TNRC6B: variants seen among roughly 807,000 people sequenced by gnomAD.
TNRC6B encodes the protein trinucleotide repeat containing adaptor 6B.
In TNRC6B, 52 loss-of-function variants were observed where a neutral mutation model predicts 203.6. That is an observed-to-expected ratio of 0.26 (90% CI 0.20 to 0.32). The LOEUF (loss-of-function observed/expected upper bound fraction) is 0.32, where lower values mean the gene tolerates loss of function less well. Among genes scored for constraint, TNRC6B ranks in the 10% least tolerant of loss-of-function variants. The pLI is 1.00. For synonymous variants in TNRC6B, 838 were observed against 845.7 expected (o/e 0.99, Z 0.16); for missense variants, 1,923 against 2,286.2 (o/e 0.84, Z 3.24).
chr22:40,091,593 T>C (rs755851828), intron 1 of TNRC6B, among the ~76,000 whole-genome samples: 19 of 152,206 alleles, frequency 1.2e-4, no homozygotes, highest in Non-Finnish European at 2.5e-4. Context: ...GTAATGATGG[T>C]ATTATAAATT....
At chr22:40,126,394 C>G (rs1038642897) in intron 3 of TNRC6B, among the ~76,000 whole-genome samples, 1 of 151,760 alleles carries the variant, frequency 6.6e-6, no homozygotes, top group South Asian at 2.1e-4. Flanking sequence ...CCCTTGTTCC[C>G]TTCCCTCCCT....
At chr22:40,169,786 G>T (rs1231668899) in intron 4 of TNRC6B, among the ~76,000 whole-genome samples, 2 of 152,068 alleles carry the variant, frequency 1.3e-5, no homozygotes, top group African/African-American at 4.8e-5. Context: ...AGGTTTTGAA[G>T]GCTTCATCCC....
chr22:40,075,462 T>C (rs73422367), intron 1 of TNRC6B, among the ~76,000 whole-genome samples: 6,685 of 152,050 alleles, frequency 0.044, 442 homozygotes, highest in African/African-American at 0.14. Context: ...AGCTTATTTA[T>C]GTATTTGTAT....
At chr22:40,130,674 G>A (rs540309428) in intron 3 of TNRC6B, among the ~76,000 whole-genome samples, 2 of 146,246 alleles carry the variant, frequency 1.4e-5, no homozygotes, top group South Asian at 2.1e-4. Flanking sequence ...GTAGTCCCCC[G>A]CGGGAGGCTG....
chr22:40,312,792 A>G (rs2071203572), intron 18 of TNRC6B, 110 bp from the exon 19 acceptor site: 1 of 1,471,466 alleles, frequency 6.8e-7, no homozygotes, highest in Non-Finnish European at 9.4e-7. Flanking sequence ...TATTTGTTAG[A>G]CATATTTTGT....
chr22:40,155,997 TGTTC>T, intron 3 of TNRC6B: 1 of 801,970 alleles, frequency 1.2e-6, no homozygotes, highest in Non-Finnish European at 2.0e-6. Flanking sequence ...CCCAGGCTTC[TGTTC>T]TGTGCACCAC....
chr22:40,191,811 C>T (rs2069277395), intron 1 of TNRC6B, among the ~76,000 whole-genome samples: 1 of 152,184 alleles, frequency 6.6e-6, no homozygotes, highest in Non-Finnish European at 1.5e-5. Flanking sequence ...AGTGCAGTGG[C>T]ACGATCTCAG....
intron 7 of TNRC6B, among the ~76,000 whole-genome samples, chr22:40,274,979 C>T (rs1446521383): frequency 1.3e-5 from 2 of 152,162 alleles, no homozygotes; most frequent in Non-Finnish European, 2.9e-5. Flanking sequence ...CCCTATGAAA[C>T]GGTTCACAGC....
At chr22:40,209,948 G>C (rs574967962) in intron 1 of TNRC6B, among the ~76,000 whole-genome samples, 6 of 151,962 alleles carry the variant, frequency 3.9e-5, no homozygotes, top group African/African-American at 1.4e-4. Flanking sequence ...AACCCAGGAA[G>C]CGGAGGTTGC....
At chr22:40,141,838 G>T (rs189800152) in intron 3 of TNRC6B, among the ~76,000 whole-genome samples, 1 of 151,814 alleles carries the variant, frequency 6.6e-6, no homozygotes, top group African/African-American at 2.4e-5. Flanking sequence ...GCAGTGGCGC[G>T]ATCTCTGCTC....
Position 40,270,210 on chromosome 22 carries a change from G to A in TNRC6B, c.2895G>A (p.Met965Ile), listed in dbSNP as rs1002635477. 6.4e-7 allele frequency: 1 copy of A among 1,554,368 alleles called. No homozygotes were observed. The highest frequency in any genetic ancestry group is 2.0e-5 in the Admixed American group (1 of 51,234). Residue 965 changes from methionine to isoleucine, a missense_variant, in exon 6 of 23, where the codon ATG (methionine) becomes ATA (isoleucine). By Grantham distance (10) the Met-to-Ile change is conservative. Coordinates refer to ENST00000454349, the MANE Select transcript of TNRC6B (RefSeq NM_001162501.2). ...PNESSPGWGE[M>I]DDTGASTTGW... Reference sequence around the variant, plus strand: ...AAAGCAGTCCTGGGTGGGGCGAGATGGATGATACAGGAGCATCGACCACAG... The same window carrying A: ...AAAGCAGTCCTGGGTGGGGCGAGATAGATGATACAGGAGCATCGACCACAG...
chr22:40,248,556 A>T (rs1245969137), intron 2 of TNRC6B, among the ~76,000 whole-genome samples: 1 of 152,240 alleles, frequency 6.6e-6, no homozygotes, highest in Non-Finnish European at 1.5e-5. Context: ...CCTCTGTAAT[A>T]TGCCTTTGAT....
At chr22:40,077,839 A>G (rs2068031457) in intron 1 of TNRC6B, among the ~76,000 whole-genome samples, 1 of 152,174 alleles carries the variant, frequency 6.6e-6, no homozygotes, top group South Asian at 2.1e-4. Context: ...CATTGAGATC[A>G]GCTCTGCTCA....
At chr22:40,248,979 G>T (rs558991859) in intron 2 of TNRC6B, among the ~76,000 whole-genome samples, 1 of 152,290 alleles carries the variant, frequency 6.6e-6, no homozygotes, top group African/African-American at 2.4e-5. Context: ...CCTTATTGTA[G>T]AGACATCACC....
intron 12 of TNRC6B, among the ~76,000 whole-genome samples, chr22:40,291,315 G>A (rs367899805): frequency 7.9e-5 from 12 of 152,202 alleles, no homozygotes; most frequent in African/African-American, 2.9e-4. Context: ...AGCCCAGGAG[G>A]TTGAGGCTGC....
At chr22:40,228,525 CTT>C (rs907244985) in intron 1 of TNRC6B, among the ~76,000 whole-genome samples, 2 of 144,646 alleles carry the variant, frequency 1.4e-5, no homozygotes, top group East Asian at 2.0e-4. Flanking sequence ...GAAGCTGTTT[CTT>C]TTTTTTTTTT....
At position 40,264,884 on chromosome 22, in the gene TNRC6B, C is replaced by A. The variant is rs2070451368; in HGVS notation, c.654C>A (p.Asn218Lys). 3 of 1,613,812 alleles carry A rather than the reference C, an allele frequency of 1.9e-6. No individual in the cohort carries two copies. Among genetic ancestry groups the A allele is most frequent in the African/African-American group, 1.3e-5 (1 of 74,906 alleles). ...TESSSENTTDNNSASNPGSEK... is the reference protein window; with the variant it reads ...TESSSENTTDKNSASNPGSEK... Reference sequence around the variant, plus strand: ...CTTCTTCCGAAAACACCACCGATAACAACAGTGCCTCGAACCCTGGCTCTG... The same window carrying A: ...CTTCTTCCGAAAACACCACCGATAAAAACAGTGCCTCGAACCCTGGCTCTG... Residue 218 changes from asparagine (N) to lysine (K), a missense_variant, in exon 5 of 23, where the codon AAC becomes AAA. Physicochemically the swap from Asn to Lys is moderately conservative, Grantham distance 94. This residue lies in a region of TNRC6B where 614 missense variants were observed against 587.7 expected (regional missense o/e 1.04). Transcript: ENST00000454349.
At chr22:40,060,115 G>A (rs1347192368) in intron 1 of TNRC6B, among the ~76,000 whole-genome samples, 3 of 149,964 alleles carry the variant, frequency 2.0e-5, no homozygotes, top group African/African-American at 7.4e-5. Context: ...CAGGCGTGAG[G>A]CACTGTGCCC....
chr22:40,210,239 G>A (rs2069543351), intron 1 of TNRC6B, among the ~76,000 whole-genome samples: 1 of 152,086 alleles, frequency 6.6e-6, no homozygotes, highest in South Asian at 2.1e-4. Context: ...TGTGGTACAA[G>A]TTCACTACAC....
Sources: gnomAD v4.1 joint callset for allele counts (sites outside exome capture counted in the v4.1 genomes callset) on GRCh38, gnomAD v4.1.1 for gene constraint, gnomAD v4.1.1 regional missense constraint, MANE v1.5 for transcripts, NCBI Gene and HGNC (gene_info 2026-07-23, HGNC 2026-07-21) for gene names.